NBEA: variants seen among roughly 807,000 people sequenced by gnomAD.
NBEA encodes lysosomal-trafficking regulator 2.
In NBEA, 44 loss-of-function variants were observed where a neutral mutation model predicts 343.4. The observed-to-expected ratio is 0.13, with a 90% confidence interval of 0.10 to 0.16. The LOEUF is 0.16. Ranked by LOEUF, NBEA falls within the 10% of genes least tolerant of loss-of-function variation. The pLI, the probability that NBEA is intolerant of heterozygous loss-of-function variation, is 1.00. For missense variants in NBEA, 2,555 were observed against 3,631.3 expected (o/e 0.70, Z 7.62); for synonymous variants, 1,175 against 1,238.7 (o/e 0.95, Z 1.08).
chr13:35,624,640 T>C (rs1395104851), intron 48 of NBEA, among the ~76,000 whole-genome samples: 1 of 151,860 alleles, frequency 6.6e-6, no homozygotes, highest in Non-Finnish European at 1.5e-5. Flanking sequence ...TATTGAGATA[T>C]GTAAGAAATA....
rs143497871 is a variant in NBEA, at chr13:35,209,985, C to T, written c.5522-1068C>T. Among the ~76,000 whole-genome samples the T allele has an allele frequency of 6.7e-3, 1,021 of 152,124 alleles. 10 individuals are homozygous for T. The highest frequency in any genetic ancestry group is 0.024 in the African/African-American group (982 of 41,528). On this transcript the variant is annotated intron_variant, in intron 32 of 58. Transcript: ENST00000379939. Reference sequence around the variant, plus strand: ...GTATTAGAGTTTCATTCTTTATACTCATTCAGCTTTCTAGAAATAGGAGTA... The same window carrying T: ...GTATTAGAGTTTCATTCTTTATACTTATTCAGCTTTCTAGAAATAGGAGTA...
intron 41 of NBEA, chr13:35,475,472 T>C (rs1417608224): frequency 6.2e-7 from 1 of 1,612,336 alleles, no homozygotes; most frequent in Non-Finnish European, 8.5e-7. Context: ...TCCGCCGAGC[T>C]CTGCTTGCCG....
intron 41 of NBEA, among the ~76,000 whole-genome samples, chr13:35,530,191 G>T (rs1456284626): frequency 1.3e-5 from 2 of 152,298 alleles, no homozygotes; most frequent in East Asian, 3.9e-4. Context: ...AAAATAATAT[G>T]TAATTGAAAC....
intron 34 of NBEA, among the ~76,000 whole-genome samples, chr13:35,270,020 T>C (rs886216383): frequency 2.0e-5 from 3 of 152,206 alleles, no homozygotes; most frequent in African/African-American, 7.2e-5. Flanking sequence ...CTAATTCAGT[T>C]ATTACTTGAT....
At chr13:35,037,469 C>T (rs1010984055) in intron 1 of NBEA, among the ~76,000 whole-genome samples, 7 of 152,230 alleles carry the variant, frequency 4.6e-5, no homozygotes, top group African/African-American at 1.4e-4. Context: ...AGATGTTCCT[C>T]GGTGCCTGGG....
chr13:35,018,900 A>C (rs2061740985), intron 1 of NBEA, among the ~76,000 whole-genome samples: 1 of 152,126 alleles, frequency 6.6e-6, no homozygotes. Context: ...GCCTTTTATG[A>C]ATATCTGGTT....
chr13:35,243,795 A>G (rs1383740275), intron 34 of NBEA, among the ~76,000 whole-genome samples: 6 of 151,926 alleles, frequency 3.9e-5, no homozygotes, highest in Admixed American at 2.6e-4. Flanking sequence ...GTTCTGCAAT[A>G]ATCGTGGGAG....
At chr13:35,482,664 A>G (rs189314086) in intron 41 of NBEA, among the ~76,000 whole-genome samples, 1 of 151,514 alleles carries the variant, frequency 6.6e-6, no homozygotes, top group Admixed American at 6.6e-5. Context: ...TAAAATGTAT[A>G]GCTTTGTTTT....
chr13:35,452,303 T>A, intron 40 of NBEA, 68 bp downstream of exon 40: 1 of 1,203,040 alleles, frequency 8.3e-7, no homozygotes, highest in Non-Finnish European at 1.2e-6. Context: ...TCAAAATCTG[T>A]CTCCTAGTAA....
intron 10 of NBEA, among the ~76,000 whole-genome samples, chr13:35,087,496 C>T (rs781155781): frequency 4.0e-5 from 6 of 151,680 alleles, no homozygotes; most frequent in Non-Finnish European, 8.8e-5. Context: ...AGCTTTTGGT[C>T]AGCAATGAAT....
intron 41 of NBEA, chr13:35,476,154 C>T (rs1391246112): frequency 1.2e-6 from 2 of 1,613,266 alleles, no homozygotes; most frequent in South Asian, 1.1e-5. Context: ...GGCAGAGATC[C>T]GGATTGTACA....
chr13:35,446,059 A>T (rs192795291), intron 39 of NBEA, among the ~76,000 whole-genome samples: 4,507 of 150,616 alleles, frequency 0.03, 107 homozygotes, highest in Non-Finnish European at 0.045. Context: ...GAGTGAGAAC[A>T]TGTGGTGTTT....
At position 34,942,702 on chromosome 13, in the gene NBEA, C is replaced by T; in HGVS notation, c.-119C>T. The T allele has an allele frequency of 2.7e-6, 2 of 753,726 alleles. No homozygotes were observed. Among genetic ancestry groups the T allele is most frequent in the South Asian group, 6.6e-5 (1 of 15,130 alleles). 46.7% of individuals were successfully genotyped at this position (753,726 alleles called of 1,614,324 possible). On this transcript the variant is annotated 5_prime_UTR_variant, in exon 1 of 59. Transcript: ENST00000379939. ...CAGGCGGGGAGCGGGCCCGGCGCCG[C>T]GGCGCTGGTGGATGCTGGGGCTCCG...
chr13:35,609,128 T>A (rs1381936734), intron 48 of NBEA, among the ~76,000 whole-genome samples: 2 of 152,228 alleles, frequency 1.3e-5, no homozygotes. Context: ...TAAATATGCA[T>A]TAAAGAAAAA....
chr13:34,943,570 A>C (rs970244146), intron 1 of NBEA, among the ~76,000 whole-genome samples: 2 of 152,176 alleles, frequency 1.3e-5, no homozygotes, highest in Admixed American at 1.3e-4. Flanking sequence ...GAAGCGCATT[A>C]GCTTCCAACT....
chr13:35,156,375 ATTT>A (rs1163181917), intron 20 of NBEA, among the ~76,000 whole-genome samples, 169 bp downstream of exon 20: 1 of 151,750 alleles, frequency 6.6e-6, no homozygotes, highest in Non-Finnish European at 1.5e-5. Context: ...TCTTCTATTT[ATTT>A]TTATATTATT....
At chr13:35,156,274 A>C in intron 20 of NBEA, 68 bp downstream of exon 20, 1 of 1,396,786 alleles carries the variant, frequency 7.2e-7, no homozygotes, top group Non-Finnish European at 9.5e-7. Flanking sequence ...TTAGATTTTC[A>C]ATTCATTTCA....
chr13:35,360,093 A>G (rs1289921368), intron 38 of NBEA, among the ~76,000 whole-genome samples: 2 of 151,986 alleles, frequency 1.3e-5, no homozygotes, highest in Non-Finnish European at 2.9e-5. Context: ...CAGCTAAGTA[A>G]TAGAGACAGG....
intron 34 of NBEA, among the ~76,000 whole-genome samples, chr13:35,271,802 G>A (rs961394613): frequency 6.6e-6 from 1 of 152,116 alleles, no homozygotes; most frequent in African/African-American, 2.4e-5. Flanking sequence ...GACAAGATTA[G>A]AGAAAAAAGA....
Sources: allele counts gnomAD v4.1 joint callset (sites outside exome capture counted in the v4.1 genomes callset), GRCh38; gene constraint gnomAD v4.1.1; transcripts MANE v1.5; gene names NCBI Gene and HGNC (gene_info 2026-07-23, HGNC 2026-07-21).